The following EFCAB6 variants were observed in gnomAD, a reference collection of about 807,000 sequenced individuals.
EFCAB6 encodes EF-hand calcium binding domain 6.
A neutral mutation model predicts 169.8 loss-of-function variants in EFCAB6; 156 were observed. The ratio of observed to expected loss-of-function variants is 0.92; its 90% CI spans 0.81 to 1.05. The LOEUF is 1.05. EFCAB6 is among the 50% of genes least tolerant of loss of function. The pLI is 0.00. For synonymous variants in EFCAB6, 698 were observed against 676.4 expected (o/e 1.03, Z -0.50); for missense variants, 1,800 against 1,829.1 (o/e 0.98, Z 0.29).
At chr22:43,660,926 T>C (rs567803435) in intron 17 of EFCAB6, among the ~76,000 whole-genome samples, 1 of 152,316 alleles carries the variant, frequency 6.6e-6, no homozygotes, top group South Asian at 2.1e-4. Flanking sequence ...AACCACCGTT[T>C]TGTGGGTTTT....
intron 20 of EFCAB6, among the ~76,000 whole-genome samples, chr22:43,623,342 T>A (rs531798413): frequency 1.6e-4 from 24 of 152,240 alleles, no homozygotes; most frequent in African/African-American, 5.1e-4. Flanking sequence ...GGCAAGTGTG[T>A]TTTAAACAAG....
intron 21 of EFCAB6, 91 bp downstream of exon 21, chr22:43,615,735 G>T: frequency 9.2e-7 from 1 of 1,092,268 alleles, no homozygotes; most frequent in Non-Finnish European, 1.3e-6. Flanking sequence ...TCCCATCTTA[G>T]CGTCTGGATC....
intron 10 of EFCAB6, among the ~76,000 whole-genome samples, chr22:43,711,193 G>T (rs1277357487): frequency 6.6e-6 from 1 of 152,172 alleles, no homozygotes; most frequent in Non-Finnish European, 1.5e-5. Context: ...TTTTTAGAGA[G>T]AGAGGGAAAT....
At chr22:43,729,247 C>A (rs2059849407) in intron 8 of EFCAB6, among the ~76,000 whole-genome samples, 1 of 152,198 alleles carries the variant, frequency 6.6e-6, no homozygotes, top group African/African-American at 2.4e-5. Flanking sequence ...ACCTCCAACA[C>A]TGGGGATCAC....
At position 43,683,278 on chromosome 22, in the gene EFCAB6, T is replaced by A. The variant is rs116804431; in HGVS notation, c.1251+469A>T. ...AATGTGAGAAAAAGCAGGTTGCAAA[T>A]TCATGAATTAGCCTCTCTTTGTAGT... On this transcript the variant is annotated intron_variant, in intron 12 of 31. Coordinates refer to ENST00000262726, the MANE Select transcript of EFCAB6 (RefSeq NM_022785.4). Among the ~76,000 whole-genome samples, 751 of 152,306 alleles carry A rather than the reference T, an allele frequency of 4.9e-3. 4 individuals carry two copies. The highest frequency in any genetic ancestry group is 0.017 in the African/African-American group (713 of 41,584).
At chr22:43,562,118 A>G (rs2049078616) in intron 26 of EFCAB6, among the ~76,000 whole-genome samples, 1 of 152,214 alleles carries the variant, frequency 6.6e-6, no homozygotes, top group African/African-American at 2.4e-5. Context: ...TCTGACCTCA[A>G]CAGAGAACCA....
intron 20 of EFCAB6, among the ~76,000 whole-genome samples, chr22:43,624,792 T>C (rs1046966200): frequency 2.0e-5 from 3 of 152,202 alleles, no homozygotes; most frequent in African/African-American, 7.2e-5. Context: ...GTCTAGCATA[T>C]AGTAGGCCCT....
intron 13 of EFCAB6, among the ~76,000 whole-genome samples, 190 bp downstream of exon 13, chr22:43,677,806 T>C (rs920093475): frequency 9.8e-4 from 150 of 152,352 alleles, no homozygotes; most frequent in Admixed American, 2.8e-3. Flanking sequence ...TACCATCCTT[T>C]TTTAAGATTC....
intron 10 of EFCAB6, among the ~76,000 whole-genome samples, chr22:43,705,732 G>A (rs779847544): frequency 1.3e-5 from 2 of 152,090 alleles, no homozygotes; most frequent in Non-Finnish European, 2.9e-5. Context: ...TATGTGGGAT[G>A]CAACAAAAGC....
chr22:43,789,799 A>C (rs1004957648), intron 2 of EFCAB6, among the ~76,000 whole-genome samples: 1 of 151,796 alleles, frequency 6.6e-6, no homozygotes, highest in African/African-American at 2.4e-5. Flanking sequence ...CCAGTTCTAC[A>C]AGGAAGTTTA....
rs1460906216 is a variant in EFCAB6, at chr22:43,687,524, A to G, written c.1089T>C (p.His363=). The G allele has an allele frequency of 6.2e-7, 1 of 1,603,460 alleles. No homozygotes were observed. Among genetic ancestry groups the G allele is most frequent in the Admixed American group, 1.7e-5 (1 of 58,740 alleles). ...TGCTAACTTGCAACCCCTGAGGCTC[A>G]TGAAATGATGTTAGAAATTGCTTCC... is the stretch of plus-strand genomic sequence containing the variant. ...INWKQFLTSF[H]EPQGLQVSSK... Residue 363 remains histidine (H), a synonymous_variant, in exon 11 of 32, where the codon CAT becomes CAC. Coordinates refer to ENST00000262726, the MANE Select transcript of EFCAB6 (RefSeq NM_022785.4).
chr22:43,729,572 G>A (rs565414480), intron 8 of EFCAB6, among the ~76,000 whole-genome samples: 4 of 152,318 alleles, frequency 2.6e-5, no homozygotes, highest in African/African-American at 9.6e-5. Context: ...TCCAGGAGTG[G>A]ATAGTGAAGG....
At chr22:43,665,980 G>T (rs879679427) in intron 17 of EFCAB6, among the ~76,000 whole-genome samples, 13 of 152,110 alleles carry the variant, frequency 8.5e-5, no homozygotes, top group Non-Finnish European at 1.5e-4. Context: ...TAGAGATGGG[G>T]TTTCGCCACG....
intron 2 of EFCAB6, 62 bp from the exon 3 acceptor site, chr22:43,782,387 A>G: frequency 1.4e-6 from 2 of 1,452,604 alleles, no homozygotes; most frequent in Admixed American, 1.9e-5. Flanking sequence ...AATGTGGCCA[A>G]TTTCCTATCT....
At chr22:43,713,759 T>A (rs892571394) in intron 9 of EFCAB6, among the ~76,000 whole-genome samples, 2 of 152,206 alleles carry the variant, frequency 1.3e-5, no homozygotes, top group African/African-American at 4.8e-5. Context: ...ATGTATAACT[T>A]GCAAAATATT....
At chr22:43,616,421 G>A (rs1286268648) in intron 20 of EFCAB6, among the ~76,000 whole-genome samples, 1 of 152,216 alleles carries the variant, frequency 6.6e-6, no homozygotes, top group East Asian at 1.9e-4. Flanking sequence ...CCAGCACTTT[G>A]GGAGGCCAAG....
At chr22:43,551,369 G>A (rs2048366352) in intron 27 of EFCAB6, among the ~76,000 whole-genome samples, 1 of 152,164 alleles carries the variant, frequency 6.6e-6, no homozygotes, top group Admixed American at 6.5e-5. Flanking sequence ...TTACACTGGT[G>A]CAAAAGTAAT....
chr22:43,685,724 C>T (rs1008390335), intron 11 of EFCAB6, among the ~76,000 whole-genome samples: 2 of 152,144 alleles, frequency 1.3e-5, no homozygotes, highest in Admixed American at 6.5e-5. Flanking sequence ...AGTTATGAAA[C>T]TGGGTGCATG....
chr22:43,699,473 C>T (rs1249346911), intron 10 of EFCAB6, among the ~76,000 whole-genome samples: 1 of 152,222 alleles, frequency 6.6e-6, no homozygotes, highest in African/African-American at 2.4e-5. Flanking sequence ...ACTGGCCTTA[C>T]TTGAACCTGC....
Sources: gnomAD v4.1 joint callset for allele counts (sites outside exome capture counted in the v4.1 genomes callset) on GRCh38, gnomAD v4.1.1 for gene constraint, MANE v1.5 for transcripts, NCBI Gene and HGNC (gene_info 2026-07-23, HGNC 2026-07-21) for gene names.